DOCK3: variants seen among roughly 807,000 people sequenced by gnomAD.
DOCK3 encodes dedicator of cytokinesis 3, also known as dedicator of cytokinesis protein 3.
DOCK3 carries 60 observed loss-of-function variants against 265.6 expected under a neutral mutation model. The ratio of observed to expected loss-of-function variants is 0.23; its 90% CI spans 0.18 to 0.28. DOCK3 has a LOEUF of 0.28. Ranked by LOEUF, DOCK3 falls within the 10% of genes least tolerant of loss-of-function variation. DOCK3 has a pLI of 1.00. For missense variants in DOCK3, 1,981 were observed against 2,594.3 expected, an observed-to-expected ratio of 0.76 and a Z score of 5.14; for synonymous variants, 881 against 938.0, an observed-to-expected ratio of 0.94 and a Z score of 1.11.
At chr3:50,881,504 TC>T (rs560007093) in intron 3 of DOCK3, among the ~76,000 whole-genome samples, 11 of 152,104 alleles carry the variant, frequency 7.2e-5, no homozygotes, top group Non-Finnish European at 1.6e-4. Flanking sequence ...ATGAGTGAAC[TC>T]CCATTCACAA....
At position 51,041,190 on chromosome 3, in the gene DOCK3, A is replaced by G. The variant is rs866736070; in HGVS notation, c.316-23258A>G. 3.8e-3 allele frequency among the ~76,000 whole-genome samples: 54 copies of G among 14,396 alleles called. 1 individual carries two copies. Among genetic ancestry groups the G allele is most frequent in the South Asian group, 0.016 (7 of 430 alleles). 9.4% of individuals were successfully genotyped at this position (14,396 alleles called of 152,430 possible). A position where few individuals can be genotyped will look rare whatever the true frequency, so the allele number is the denominator to read the frequency against. On this transcript the variant is annotated intron_variant, in intron 5 of 52. Coordinates refer to ENST00000266037, the MANE Select transcript of DOCK3 (RefSeq NM_004947.5). ...TATATATATATATATATATATATAT[A>G]TATATATATATATATTTTTTTTTTT...
At chr3:51,210,002 A>G (rs2089418320) in intron 13 of DOCK3, among the ~76,000 whole-genome samples, 1 of 152,270 alleles carries the variant, frequency 6.6e-6, no homozygotes, top group South Asian at 2.1e-4. Flanking sequence ...TTTTAAAAAT[A>G]TAGGAAAGTT....
chr3:50,817,736 C>G (rs754617901), intron 2 of DOCK3, among the ~76,000 whole-genome samples: 13 of 151,668 alleles, frequency 8.6e-5, no homozygotes, highest in Non-Finnish European at 1.6e-4. Context: ...TCTGAGTCTC[C>G]TTTTTCTCTC....
intron 35 of DOCK3, among the ~76,000 whole-genome samples, chr3:51,336,341 T>TG (rs2084872653): frequency 8.4e-6 from 1 of 118,380 alleles, no homozygotes; most frequent in Non-Finnish European, 1.8e-5. Flanking sequence ...GGTTTTTTTG[T>TG]TTTTTTTTTT....
At chr3:51,053,426 A>ATTT (rs563130234) in intron 5 of DOCK3, among the ~76,000 whole-genome samples, 2 of 132,456 alleles carry the variant, frequency 1.5e-5, no homozygotes, top group African/African-American at 2.8e-5. Context: ...TTGTATCACT[A>ATTT]TTTTTTTTTT....
At chr3:50,991,662 A>G (rs2108623092) in intron 5 of DOCK3, among the ~76,000 whole-genome samples, 2 of 152,308 alleles carry the variant, frequency 1.3e-5, no homozygotes, top group East Asian at 3.9e-4. Context: ...CACTCCACTG[A>G]CAGTATTAGA....
At chr3:51,322,310 C>T (rs903917926) in intron 32 of DOCK3, among the ~76,000 whole-genome samples, 14 of 152,172 alleles carry the variant, frequency 9.2e-5, no homozygotes, top group African/African-American at 3.1e-4. Flanking sequence ...TCATGCCATT[C>T]TCCTGCCTCA....
rs995356019 is a variant in DOCK3, at chr3:51,144,492, A to G, written c.747-2057A>G. The stretch of plus-strand genomic sequence containing the variant: ...CTTCATATTTTTCTTCTGTTTTTCC[A>G]TTTGCCCCATGCATCTACTTTGATA... On this transcript the variant is annotated intron_variant, in intron 9 of 52. Coordinates refer to ENST00000266037, the MANE Select transcript of DOCK3 (RefSeq NM_004947.5). Among the ~76,000 whole-genome samples, 9 of 151,782 alleles carry G rather than the reference A, an allele frequency of 5.9e-5. No homozygotes were observed. In the East Asian group the frequency reaches 7.7e-4, roughly 13 times the overall value.
At chr3:51,162,437 T>C (rs2086184775) in intron 12 of DOCK3, among the ~76,000 whole-genome samples, 1 of 152,228 alleles carries the variant, frequency 6.6e-6, no homozygotes, top group African/African-American at 2.4e-5. Context: ...GCTGGTTTTC[T>C]CCTCCTTCCA....
At chr3:50,946,727 GCATTGTCA>G (rs1161251281) in intron 5 of DOCK3, among the ~76,000 whole-genome samples, 11 of 152,192 alleles carry the variant, frequency 7.2e-5, no homozygotes, top group Non-Finnish European at 1.2e-4. Flanking sequence ...GTAGCAGACT[GCATTGTCA>G]CAAGATTGTT....
intron 13 of DOCK3, among the ~76,000 whole-genome samples, chr3:51,209,374 TCTC>T (rs1436014514): frequency 6.6e-6 from 1 of 152,188 alleles, no homozygotes; most frequent in Non-Finnish European, 1.5e-5. Flanking sequence ...TAGCTCAACT[TCTC>T]CTTTTCCTTT....
chr3:51,096,943 G>A (rs1187863594), intron 9 of DOCK3, among the ~76,000 whole-genome samples: 1 of 152,284 alleles, frequency 6.6e-6, no homozygotes, highest in East Asian at 1.9e-4. Context: ...TATCACCAGC[G>A]GAAGCTGCAG....
chr3:51,218,481 C>T (rs766364753), intron 14 of DOCK3, among the ~76,000 whole-genome samples: 4 of 152,098 alleles, frequency 2.6e-5, no homozygotes, highest in South Asian at 2.1e-4. Flanking sequence ...AAGAAGGGAC[C>T]GTACCCTTCT....
rs370905903 is a variant in DOCK3 at position 50,775,080 on chromosome 3, T to C, written c.38-3595T>C. Among the ~76,000 whole-genome samples the C allele has an allele frequency of 2.6e-5, 4 of 152,184 alleles. No homozygotes were observed. The East Asian group carries it at 5.8e-4, about 22-fold the overall frequency. On this transcript the variant is annotated intron_variant, in intron 1 of 52. Coordinates refer to ENST00000266037, the MANE Select transcript of DOCK3 (RefSeq NM_004947.5). ...TGTATTTTTTTAAAAAATGTTTTTA[T>C]TTATATTAATGAGAAAGATTAGCCG...
At chr3:51,244,017 C>G (rs2078720291) in intron 21 of DOCK3, among the ~76,000 whole-genome samples, 1 of 152,138 alleles carries the variant, frequency 6.6e-6, no homozygotes, top group Non-Finnish European at 1.5e-5. Flanking sequence ...GCCCCTTGAC[C>G]ATATATGTGA....
chr3:51,249,436 C>T lies in DOCK3; in HGVS notation c.2184+2629C>T, dbSNP rs1225683109. ...CCGGGAGGTGAGGGGCGCCTCTGTC[C>T]GGCCGCCCCTACTGGGAAGTGAGGA... On this transcript the variant is annotated intron_variant, in intron 22 of 52. Transcript: ENST00000266037. 2.0e-3 allele frequency among the ~76,000 whole-genome samples: 249 copies of T among 126,710 alleles called. 2 individuals carry two copies. The highest frequency in any genetic ancestry group is 7.2e-3 in the African/African-American group (236 of 32,784). The allele number at this position is 126,710 out of a possible 152,430, so 83.1% of individuals were successfully genotyped here.
At chr3:51,256,291 C>G (rs2079542063) in intron 22 of DOCK3, among the ~76,000 whole-genome samples, 3 of 152,138 alleles carry the variant, frequency 2.0e-5, no homozygotes, top group Admixed American at 6.5e-5. Context: ...TTTTGAGACA[C>G]AGTCTCACTT....
At chr3:51,131,020 T>C (rs1452259006) in intron 9 of DOCK3, among the ~76,000 whole-genome samples, 1 of 152,192 alleles carries the variant, frequency 6.6e-6, no homozygotes, top group Non-Finnish European at 1.5e-5. Context: ...AATAGTTTTT[T>C]AGTTTACTAT....
rs2085233172 is a variant in DOCK3, at chr3:51,341,397, TAGGCA to T, written c.3915+15_3915+19del. 1 of 1,613,166 alleles carries T rather than the reference TAGGCA, an allele frequency of 6.2e-7. No individual in the cohort carries two copies. The highest frequency in any genetic ancestry group is 1.3e-5 in the African/African-American group (1 of 75,040). On this transcript the variant is annotated intron_variant, in intron 38 of 52. Transcript: ENST00000266037. ...TCAACAAAGGCAAGGTATGCATCAT[TAGGCA>T]AGCCCTTTAGCCCTTCAGCTTCTGC...
Sources: gnomAD v4.1 joint callset for allele counts (sites outside exome capture counted in the v4.1 genomes callset) on GRCh38, gnomAD v4.1.1 for gene constraint, MANE v1.5 for transcripts, NCBI Gene and HGNC (gene_info 2026-07-23, HGNC 2026-07-21) for gene names.